The following NFX1 variants were observed in gnomAD, a reference collection of about 807,000 sequenced individuals.
NFX1 encodes transcriptional repressor NF-X1.
In NFX1, 69 loss-of-function variants were observed where a neutral mutation model predicts 137.2. That is an observed-to-expected ratio of 0.50 (90% CI 0.41 to 0.61). NFX1 has a LOEUF of 0.61. Among genes scored for constraint, NFX1 ranks in the 20% least tolerant of loss-of-function variants. The pLI is 0.00. For missense variants in NFX1, 1,167 were observed against 1,391.0 expected (o/e 0.84, Z 2.56); for synonymous variants, 495 against 474.1 (o/e 1.04, Z -0.57).
chr9:33,354,077 A>C lies in NFX1; in HGVS notation c.2730-9A>C, dbSNP rs78451763. 4.0e-6 allele frequency: 2 copies of C among 504,694 alleles called. No homozygotes were observed. The highest frequency in any genetic ancestry group is 6.1e-6 in the Non-Finnish European group (2 of 328,088). 31.3% of individuals were successfully genotyped at this position (504,694 alleles called of 1,614,324 possible). On this transcript the variant is annotated splice_polypyrimidine_tract_variant and intron_variant, in intron 17 of 23. Transcript: ENST00000379540. ...ATGCCTCTTTTTCCCTTTCTTTTTT[A>C]TATTTCAGAATAGCTGCAATCTCCA...
chr9:33,290,679 A>G (rs1821123453), intron 1 of NFX1, 82 bp downstream of exon 1: 2 of 1,405,528 alleles, frequency 1.4e-6, no homozygotes. Flanking sequence ...GGCCTCAGCC[A>G]CTCATATCGC....
intron 9 of NFX1, among the ~76,000 whole-genome samples, chr9:33,324,613 T>C (rs1300279829): frequency 2.0e-5 from 3 of 151,854 alleles, no homozygotes; most frequent in Non-Finnish European, 4.4e-5. Flanking sequence ...GAAGAAACGA[T>C]CAGTGAACAT....
intron 12 of NFX1, among the ~76,000 whole-genome samples, chr9:33,338,861 G>A (rs1397225500): frequency 6.6e-6 from 1 of 152,100 alleles, no homozygotes; most frequent in Non-Finnish European, 1.5e-5. Flanking sequence ...ACACCCCAGA[G>A]CCCAAGACCC....
At chr9:33,364,922 A>C (rs1587882979) in intron 21 of NFX1, 148 bp downstream of exon 21, 2 of 1,464,648 alleles carry the variant, frequency 1.4e-6, no homozygotes, top group Non-Finnish European at 1.8e-6. Flanking sequence ...TTCTCAAAAC[A>C]CAGCCATTAT....
chr9:33,353,226 A>G (rs1205641456), intron 17 of NFX1, among the ~76,000 whole-genome samples: 2 of 152,182 alleles, frequency 1.3e-5, no homozygotes, highest in Non-Finnish European at 2.9e-5. Flanking sequence ...TAAGAAGGGA[A>G]GATGTCCTGA....
chr9:33,323,284 A>T (rs1185557929), intron 9 of NFX1, among the ~76,000 whole-genome samples: 1 of 152,190 alleles, frequency 6.6e-6, no homozygotes, highest in Non-Finnish European at 1.5e-5. Flanking sequence ...AACAAAAACA[A>T]GCTGTGGAGA....
chr9:33,308,501 A>G (rs1032895982), intron 5 of NFX1, among the ~76,000 whole-genome samples: 1 of 152,202 alleles, frequency 6.6e-6, no homozygotes, highest in East Asian at 1.9e-4. Flanking sequence ...AATACCAAAA[A>G]ATGCACAGTA....
At chr9:33,356,727 G>A (rs900931075) in intron 19 of NFX1, among the ~76,000 whole-genome samples, 4 of 152,070 alleles carry the variant, frequency 2.6e-5, no homozygotes, top group African/African-American at 9.7e-5. Flanking sequence ...ATATCCATTT[G>A]ACGAGTACCA....
chr9:33,312,557 C>T (rs1318741322), intron 6 of NFX1, among the ~76,000 whole-genome samples: 1 of 152,248 alleles, frequency 6.6e-6, no homozygotes, highest in African/African-American at 2.4e-5. Context: ...TAGAAAGAGA[C>T]TTGAAGACAA....
intron 9 of NFX1, among the ~76,000 whole-genome samples, chr9:33,323,619 G>A (rs1822465835): frequency 6.6e-6 from 1 of 152,052 alleles, no homozygotes; most frequent in Non-Finnish European, 1.5e-5. Context: ...TGGGCATGTT[G>A]GTATGCGCCT....
At chr9:33,342,912 A>G (rs1823281422) in intron 13 of NFX1, 58 bp downstream of exon 13, 1 of 1,096,094 alleles carries the variant, frequency 9.1e-7, no homozygotes, top group Non-Finnish European at 1.3e-6. Context: ...CAGACATAAT[A>G]TACTTTGAGA....
chr9:33,358,373 C>T (rs1823881396), intron 19 of NFX1, among the ~76,000 whole-genome samples: 1 of 152,170 alleles, frequency 6.6e-6, no homozygotes, highest in Non-Finnish European at 1.5e-5. Flanking sequence ...ATCTGCCCGC[C>T]TCAGCCTCCC....
intron 18 of NFX1, 33 bp downstream of exon 18, chr9:33,354,220 TCTTCAATTAGA>T: frequency 6.5e-7 from 1 of 1,533,888 alleles, no homozygotes; most frequent in Non-Finnish European, 9.0e-7. Flanking sequence ...GTGCCTTCTT[TCTTCAATTAGA>T]CTTCAATTAG....
intron 4 of NFX1, among the ~76,000 whole-genome samples, chr9:33,305,175 T>TA (rs1821709275): frequency 6.6e-6 from 1 of 152,192 alleles, no homozygotes; most frequent in South Asian, 2.1e-4. Context: ...GTCTAAGAGT[T>TA]AAAACACAAT....
chr9:33,341,108 G>C (rs558769771), intron 12 of NFX1, among the ~76,000 whole-genome samples: 92 of 152,258 alleles, frequency 6.0e-4, no homozygotes, highest in African/African-American at 2.0e-3. Flanking sequence ...TACTGTATTA[G>C]TCTGTTTTCA....
At chr9:33,331,951 A>G (rs1822823652) in intron 10 of NFX1, among the ~76,000 whole-genome samples, 1 of 152,218 alleles carries the variant, frequency 6.6e-6, no homozygotes, top group East Asian at 1.9e-4. Flanking sequence ...TGTAGTGGAA[A>G]CCAAACTTTA....
At chr9:33,343,930 C>T (rs151063667) in intron 13 of NFX1, 139 bp from the exon 14 acceptor site, 5 of 1,067,004 alleles carry the variant, frequency 4.7e-6, no homozygotes, top group Non-Finnish European at 6.8e-6. Flanking sequence ...AAATAAAAAC[C>T]TCTTTTGAAA....
rs1397612440 is a variant in NFX1 at position 33,370,710 on chromosome 9, A to G, written c.*732A>G. The stretch of plus-strand genomic sequence containing the variant: ...ACAATCAGTTTGGCCGTCCCCCATG[A>G]TGGTAGGAAATATAGAGAGCAAGTT... On this transcript the variant is annotated 3_prime_UTR_variant, in exon 24 of 24. Transcript: ENST00000379540. The G allele has an allele frequency of 6.6e-6, 1 of 152,334 alleles. No individual in the cohort carries two copies. Among genetic ancestry groups the G allele is most frequent in the African/African-American group, 2.4e-5 (1 of 41,564 alleles). 9.4% of individuals were successfully genotyped at this position (152,334 alleles called of 1,614,324 possible).
At chr9:33,363,765 A>G (rs1380370463) in intron 19 of NFX1, among the ~76,000 whole-genome samples, 2 of 152,128 alleles carry the variant, frequency 1.3e-5, no homozygotes, top group African/African-American at 4.8e-5. Context: ...TCTTCCCCAA[A>G]TAATCTAAGT....
Sources: allele counts gnomAD v4.1 joint callset (sites outside exome capture counted in the v4.1 genomes callset), GRCh38; gene constraint gnomAD v4.1.1; transcripts MANE v1.5; gene names NCBI Gene and HGNC (gene_info 2026-07-23, HGNC 2026-07-21).